The following SLC22A25 variants were observed in gnomAD, a reference collection of about 807,000 sequenced individuals.
SLC22A25 encodes MGI:2442751, MGI:2385316, MGI:3042283, MGI:3645714, MGI:3605624, MGI:2442750.
Under a neutral mutation model 45.9 loss-of-function variants are expected in SLC22A25, and 44 were observed. The observed-to-expected ratio is 0.96, with a 90% CI of 0.75 to 1.23. The LOEUF (loss-of-function observed/expected upper bound fraction) is 1.23, where lower values mean the gene tolerates loss of function less well. Ranked by LOEUF, SLC22A25 falls within the 50% of genes most tolerant of loss-of-function variation. The pLI, the probability that SLC22A25 is intolerant of heterozygous loss-of-function variation, is 0.00. For synonymous variants in SLC22A25, 283 were observed against 238.6 expected, an observed-to-expected ratio of 1.19 and a Z score of -1.72; for missense variants, 800 against 666.4, an observed-to-expected ratio of 1.20 and a Z score of -2.21.
chr11:63,190,075 A>T (rs1216612538), intron 7 of SLC22A25, among the ~76,000 whole-genome samples: 1 of 152,064 alleles, frequency 6.6e-6, no homozygotes, highest in Non-Finnish European at 1.5e-5. Flanking sequence ...GTATTTCCTG[A>T]ATTTGAATGT....
At chr11:63,228,751 T>C (rs1385425676) in intron 4 of SLC22A25, among the ~76,000 whole-genome samples, 187 bp from the exon 5 acceptor site, 1 of 152,182 alleles carries the variant, frequency 6.6e-6, no homozygotes, top group Admixed American at 6.5e-5. Context: ...ATTCCTAAAC[T>C]TTTAGATATT....
chr11:63,177,902 G>GTATATATATAATA (rs1215441714), intron 9 of SLC22A25, among the ~76,000 whole-genome samples: 6 of 125,266 alleles, frequency 4.8e-5, no homozygotes, highest in Non-Finnish European at 8.3e-5. Context: ...TATATATAAT[G>GTATATATATAATA]TATATCCCAT....
Position 63,217,720 on chromosome 11 carries a change from G to A in SLC22A25, c.522C>T (p.Phe174=), listed in dbSNP as rs763533661. Residue 174 remains phenylalanine, a synonymous_variant, in exon 6 of 12, where the codon TTC becomes TTT. Coordinates refer to ENST00000306494, the MANE Select transcript of SLC22A25 (RefSeq NM_199352.6). The part of the protein sequence containing the change: ...GHLSDRFGRK[F]VLRWSYLQLA... ...GCTGGAGGTAAGACCATCTGAGCAC[G>A]AACTTTCTCCCAAACCTGAGAAACA... 18 of 1,608,092 alleles carry A rather than the reference G, an allele frequency of 1.1e-5. No homozygotes were observed. The highest frequency in any genetic ancestry group is 3.4e-5 in the Admixed American group (2 of 58,234).
chr11:63,243,169 A>C (rs529724019), intron 1 of SLC22A25: 142 of 208,436 alleles, frequency 6.8e-4, no homozygotes, highest in African/African-American at 3.2e-3. Context: ...TGTCCTGAAG[A>C]ACCTGCTTGC....
At position 63,164,598 on chromosome 11, in the gene SLC22A25, C is replaced by T. The variant is rs773495843; in HGVS notation, c.1322G>A (p.Gly441Asp). The change falls in exon 11 of 12, where the codon GGT becomes GAT. Residue 441 changes from glycine to aspartate, a missense_variant. Gly to Asp is a moderately conservative substitution (Grantham distance 94). Transcript: ENST00000306494. ...QTLRVVLATL[G>D]VGAASLGITC... The stretch of plus-strand genomic sequence containing the variant: ...AATGCCAAGAGAAGCAGCTCCCACA[C>T]CCAGGGTTGCCAAAACCACACGCAG... 1.9e-6 allele frequency: 3 copies of T among 1,613,706 alleles called. No homozygotes were observed. Among genetic ancestry groups the T allele is most frequent in the African/African-American group, 2.7e-5 (2 of 74,910 alleles).
At position 63,160,838 on chromosome 11, in the gene SLC22A25, G is replaced by A. The variant is rs2087527446; in HGVS notation, c.*2986C>T. On this transcript the variant is annotated 3_prime_UTR_variant, in exon 12 of 12. Coordinates refer to ENST00000306494, the MANE Select transcript of SLC22A25 (RefSeq NM_199352.6). ...CCAAATGTGAGACATGCAGTCAAAG[G>A]AGATAACTTTGGAGCTTTAAGATTG... Among the ~76,000 whole-genome samples, 1 of 152,180 alleles carries A rather than the reference G, an allele frequency of 6.6e-6. No individual in the cohort carries two copies.
chr11:63,164,896 A>G (rs889204362), intron 10 of SLC22A25, among the ~76,000 whole-genome samples: 1 of 152,186 alleles, frequency 6.6e-6, no homozygotes, highest in Non-Finnish European at 1.5e-5. Flanking sequence ...GCCATAGCAG[A>G]AAAGGGAACA....
chr11:63,186,457 T>C (rs1042066542), intron 7 of SLC22A25, among the ~76,000 whole-genome samples: 2 of 150,960 alleles, frequency 1.3e-5, no homozygotes, highest in Non-Finnish European at 3.0e-5. Flanking sequence ...CTTTGTCAGA[T>C]GAGTAGATTG....
chr11:63,214,127 G>C (rs1389308365), intron 7 of SLC22A25, among the ~76,000 whole-genome samples: 5 of 152,152 alleles, frequency 3.3e-5, no homozygotes, highest in Non-Finnish European at 7.3e-5. Context: ...TTGGAGGATG[G>C]TTCTTAGCTT....
rs377364307 is a variant in SLC22A25 at position 63,228,462 on chromosome 11, T to C, written c.505A>G (p.Arg169Gly). The stretch of plus-strand genomic sequence containing the variant: ...GAGCTATGCTCCATAGACACTCACC[T>C]GTCTGACAAATGGCCATATAGGTTG... ...GGNLYGHLSD[R>G]FGRKFVLRWS... Residue 169 changes from arginine (R) to glycine (G), a missense_variant and splice_region_variant, in exon 5 of 12, where the codon AGG (arginine) becomes GGG (glycine). Coordinates refer to ENST00000306494, the MANE Select transcript of SLC22A25 (RefSeq NM_199352.6). 2.0e-4 allele frequency: 318 copies of C among 1,605,300 alleles called. No individual in the cohort carries two copies. The highest frequency in any genetic ancestry group is 2.5e-4 in the Non-Finnish European group (291 of 1,172,408).
chr11:63,232,697 C>A (rs144055204), intron 3 of SLC22A25, among the ~76,000 whole-genome samples: 2 of 151,994 alleles, frequency 1.3e-5, no homozygotes, highest in Non-Finnish European at 2.9e-5. Context: ...AGAGAGGGCA[C>A]CCCTGTAGTG....
chr11:63,189,549 A>G (rs1440834161), intron 7 of SLC22A25, among the ~76,000 whole-genome samples: 1 of 152,114 alleles, frequency 6.6e-6, no homozygotes, highest in African/African-American at 2.4e-5. Flanking sequence ...TTTACATTTG[A>G]GGGTAATATT....
intron 7 of SLC22A25, among the ~76,000 whole-genome samples, chr11:63,215,312 C>T (rs997613168): frequency 6.6e-6 from 1 of 152,126 alleles, no homozygotes; most frequent in African/African-American, 2.4e-5. Flanking sequence ...AACCATCATT[C>T]TCAGCAAACT....
intron 1 of SLC22A25, among the ~76,000 whole-genome samples, chr11:63,242,389 G>A (rs1288450493): frequency 6.6e-6 from 1 of 152,220 alleles, no homozygotes; most frequent in Non-Finnish European, 1.5e-5. Flanking sequence ...TATTTGCCCA[G>A]CTGGATTTCA....
chr11:63,243,487 G>T lies in SLC22A25; in HGVS notation c.-1049C>A. ...CTTCAAAGTCCCATCTGCAACTCCT[G>T]GGTGCTGTCTGCATGTTCCTGGCCT... On this transcript the variant is annotated 5_prime_UTR_variant, in exon 1 of 12. Coordinates refer to ENST00000306494, the MANE Select transcript of SLC22A25 (RefSeq NM_199352.6). 1 of 763,250 alleles carries T rather than the reference G, an allele frequency of 1.3e-6. No homozygotes were observed. The highest frequency in any genetic ancestry group is 2.5e-6 in the Non-Finnish European group (1 of 407,904). The allele number at this position is 763,250 out of a possible 1,614,324, so 47.3% of individuals were successfully genotyped here.
At chr11:63,201,574 A>G (rs1053910386) in intron 7 of SLC22A25, among the ~76,000 whole-genome samples, 9 of 152,202 alleles carry the variant, frequency 5.9e-5, no homozygotes, top group African/African-American at 1.2e-4. Flanking sequence ...AACCTAGGCA[A>G]TACCATTCAG....
At chr11:63,222,533 TG>T (rs2089875421) in intron 5 of SLC22A25, among the ~76,000 whole-genome samples, 1 of 152,030 alleles carries the variant, frequency 6.6e-6, no homozygotes, top group Admixed American at 6.5e-5. Flanking sequence ...GGAGGCTTTA[TG>T]TTTTTCCAAA....
intron 9 of SLC22A25, among the ~76,000 whole-genome samples, chr11:63,169,214 C>T (rs2087790868): frequency 6.6e-6 from 1 of 152,156 alleles, no homozygotes; most frequent in Non-Finnish European, 1.5e-5. Flanking sequence ...ACTGCAAAAA[C>T]ATACCAAAAT....
chr11:63,172,206 A>C (rs2087912729), intron 9 of SLC22A25, among the ~76,000 whole-genome samples: 1 of 152,212 alleles, frequency 6.6e-6, no homozygotes, highest in African/African-American at 2.4e-5. Context: ...AAGACAACTT[A>C]GGCAATACCA....
Sources: gnomAD v4.1 joint callset for allele counts (sites outside exome capture counted in the v4.1 genomes callset) on GRCh38, gnomAD v4.1.1 for gene constraint, MANE v1.5 for transcripts, NCBI Gene and HGNC (gene_info 2026-07-23, HGNC 2026-07-21) for gene names.